SEZ6L2: variants seen among roughly 807,000 people sequenced by gnomAD.
SEZ6L2 encodes the protein seizure 6-like protein 2.
A neutral mutation model predicts 97.0 loss-of-function variants in SEZ6L2; 44 were observed. That is an observed-to-expected ratio of 0.45 (90% CI 0.36 to 0.58). SEZ6L2 has a LOEUF of 0.58. Ranked by LOEUF, SEZ6L2 falls within the 20% of genes least tolerant of loss-of-function variation. The pLI is 0.00. For missense variants in SEZ6L2, 1,086 were observed against 1,233.3 expected, an observed-to-expected ratio of 0.88 and a Z score of 1.79; for synonymous variants, 543 against 546.1, an observed-to-expected ratio of 0.99 and a Z score of 0.08.
intron 9 of SEZ6L2, 25 bp downstream of exon 9, chr16:29,879,839 C>G: frequency 1.3e-6 from 2 of 1,565,898 alleles, no homozygotes; most frequent in Non-Finnish European, 1.7e-6. Flanking sequence ...GACTGAAGGA[C>G]ATGCCTGCGA....
rs541442722 is a variant in SEZ6L2, at chr16:29,888,474, C to T, written c.1039+66G>A. 29 of 1,538,568 alleles carry T rather than the reference C, an allele frequency of 1.9e-5. 1 individual carries two copies. The highest frequency in any genetic ancestry group is 1.3e-4 in the Admixed American group (7 of 55,232). ...CCAAAGGTGGACACCTGGACACCCC[C>T]GAGATAGGACCCTCCCAATGGGGTT... On this transcript the variant is annotated intron_variant, in intron 6 of 17. Coordinates refer to ENST00000617533, the MANE Select transcript of SEZ6L2 (RefSeq NM_001243332.2).
rs2068176819 is a variant in SEZ6L2 at position 29,887,722 on chromosome 16, C to T, written c.1135G>A (p.Val379Ile). ...AVGPNLTCRW[V>I]IEAAEGRRLH... Reference sequence around the variant, plus strand: ...CGGCGCCCCTCAGCTGCTTCAATGACCCAACGGCAGGTGAGGTTGGGCCCT... The same window carrying T: ...CGGCGCCCCTCAGCTGCTTCAATGATCCAACGGCAGGTGAGGTTGGGCCCT... The change falls in exon 7 of 18, where the codon GTC becomes ATC. Residue 379 changes from valine (V) to isoleucine (I), a missense_variant. Val to Ile is a conservative substitution (Grantham distance 29). This residue lies in a region of SEZ6L2 where 776 missense variants were observed against 794.7 expected (regional missense o/e 0.98). Transcript: ENST00000617533. 6.2e-7 allele frequency: 1 copy of T among 1,612,932 alleles called. No individual in the cohort carries two copies. The highest frequency in any genetic ancestry group is 2.2e-5 in the East Asian group (1 of 44,812).
At chr16:29,890,597 C>T (rs1481247595) in intron 5 of SEZ6L2, among the ~76,000 whole-genome samples, 2 of 152,096 alleles carry the variant, frequency 1.3e-5, no homozygotes, top group Non-Finnish European at 2.9e-5. Flanking sequence ...CCCCTACTTT[C>T]TCATCTTTTA....
chr16:29,881,183 C>A (rs1406556745), intron 8 of SEZ6L2, among the ~76,000 whole-genome samples: 2 of 152,136 alleles, frequency 1.3e-5, no homozygotes, highest in Admixed American at 1.3e-4. Context: ...TCCCTGGCCT[C>A]TGGAGGGAAG....
Position 29,885,567 on chromosome 16 carries a change from G to T in SEZ6L2, c.1372+19C>A. ...GAAGGTGTGGCGGTTGGGGTCCTGT[G>T]GGGGAGTGGGTCACTTACCTTCAAA... On this transcript the variant is annotated intron_variant, in intron 8 of 17. Transcript: ENST00000617533. 3 of 1,607,368 alleles carry T rather than the reference G, an allele frequency of 1.9e-6. No individual in the cohort carries two copies. The highest frequency in any genetic ancestry group is 2.6e-6 in the Non-Finnish European group (3 of 1,174,838).
chr16:29,876,757 C>CT lies in SEZ6L2; in HGVS notation c.2102dup (p.Ile702AspfsTer6). ...GGGACGCGGGCGGGGCCGGCTCACT[C>CT]TTTTGGCAGGCGGGCGGCGCGGCGC... On this transcript the variant is annotated frameshift_variant and splice_region_variant, in exon 12 of 18. Transcript: ENST00000617533. LOFTEE classifies it high-confidence loss of function. The surrounding 1 kb of genome is among the most constrained non-coding windows in gnomAD (Gnocchi z 6.5). 6.5e-7 allele frequency: 1 copy of CT among 1,545,676 alleles called. No homozygotes were observed. Among genetic ancestry groups the CT allele is most frequent in the Non-Finnish European group, 8.7e-7 (1 of 1,143,078 alleles).
At chr16:29,872,841 G>T in intron 14 of SEZ6L2, 98 bp from the exon 15 acceptor site, 1 of 974,094 alleles carries the variant, frequency 1.0e-6, no homozygotes, top group Non-Finnish European at 1.6e-6. Flanking sequence ...GGACAGCCTG[G>T]TTCTCTCTGC....
chr16:29,883,273 G>A (rs1472551944), intron 8 of SEZ6L2, among the ~76,000 whole-genome samples: 2 of 151,748 alleles, frequency 1.3e-5, no homozygotes, highest in African/African-American at 2.4e-5. Flanking sequence ...TTCCCTACTT[G>A]CTGTTTCTCA....
intron 5 of SEZ6L2, among the ~76,000 whole-genome samples, chr16:29,891,711 C>T (rs755711388): frequency 6.6e-6 from 1 of 152,096 alleles, no homozygotes; most frequent in Non-Finnish European, 1.5e-5. Context: ...GGTGCAAAGA[C>T]CACTGGATTT....
At chr16:29,892,981 A>G (rs2068303213) in intron 5 of SEZ6L2, among the ~76,000 whole-genome samples, 3 of 152,268 alleles carry the variant, frequency 2.0e-5, no homozygotes, top group Admixed American at 2.0e-4. Context: ...CTGCCCCCAG[A>G]AGTCAGAAGG....
intron 8 of SEZ6L2, among the ~76,000 whole-genome samples, chr16:29,884,633 G>C (rs2150797201): frequency 6.6e-6 from 1 of 152,152 alleles, no homozygotes; most frequent in African/African-American, 2.4e-5. Flanking sequence ...ACTAAAAACT[G>C]TCAGGCGCAG....
intron 12 of SEZ6L2, among the ~76,000 whole-genome samples, chr16:29,875,916 C>T (rs2067894029): frequency 1.3e-5 from 2 of 151,906 alleles, no homozygotes; most frequent in African/African-American, 2.4e-5. Context: ...CCGCACCTGG[C>T]CCTTTCTGCT....
rs117448844 is a variant in SEZ6L2, at chr16:29,887,700, C to T, written c.1157G>A (p.Arg386His). The stretch of plus-strand genomic sequence containing the variant: ...CCTTTCAAAGTGCAGGTGCAGCCGG[C>T]GCCCCTCAGCTGCTTCAATGACCCA... ...CRWVIEAAEG[R>H]RLHLHFERVS... Residue 386 changes from arginine (R) to histidine (H), a missense_variant, in exon 7 of 18, where the codon CGC (arginine) becomes CAC (histidine). Arg to His is a conservative substitution (Grantham distance 29). This residue lies in a region of SEZ6L2 where 776 missense variants were observed against 794.7 expected (regional missense o/e 0.98). Coordinates refer to ENST00000617533, the MANE Select transcript of SEZ6L2 (RefSeq NM_001243332.2). 2.7e-3 allele frequency: 4,310 copies of T among 1,609,066 alleles called. 14 individuals carry two copies. Among genetic ancestry groups the T allele is most frequent in the Middle Eastern group, 3.3e-3 (20 of 6,046 alleles).
At chr16:29,877,524 G>A in intron 10 of SEZ6L2, 57 bp from the exon 11 acceptor site, 1 of 1,466,420 alleles carries the variant, frequency 6.8e-7, no homozygotes, top group African/African-American at 1.4e-5. Context: ...CTCCCATCCA[G>A]CTCTGCCCCA....
Position 29,873,403 on chromosome 16 carries a change from C to T in SEZ6L2, c.2325G>A (p.Gly775=). Reference sequence around the variant, plus strand: ...GCGTCTGGTAGCCATTCTCGGGAACCCCCGGGTTCAGGCACGGCTCGTACT... The same window carrying T: ...GCGTCTGGTAGCCATTCTCGGGAACTCCCGGGTTCAGGCACGGCTCGTACT... ...ALKYEPCLNP[G]VPENGYQTLY... The change falls in exon 14 of 18, where the codon GGG becomes GGA. Residue 775 remains glycine, a synonymous_variant. Coordinates refer to ENST00000617533, the MANE Select transcript of SEZ6L2 (RefSeq NM_001243332.2). This position sits in a 1 kb window ranked among gnomAD's most constrained non-coding sequence, Gnocchi z 4.3. The T allele has an allele frequency of 3.7e-6, 6 of 1,614,246 alleles. No individual in the cohort carries two copies. The highest frequency in any genetic ancestry group is 5.1e-6 in the Non-Finnish European group (6 of 1,180,050).
At chr16:29,877,531 C>A in intron 10 of SEZ6L2, 64 bp from the exon 11 acceptor site, 1 of 1,435,904 alleles carries the variant, frequency 7.0e-7, no homozygotes, top group Non-Finnish European at 9.4e-7. Context: ...CCAGCTCTGC[C>A]CCATCCTCAA....
Position 29,897,966 on chromosome 16 carries a change from T to A in SEZ6L2, c.98A>T (p.Glu33Val). 6.2e-7 allele frequency: 1 copy of A among 1,613,544 alleles called. No individual in the cohort carries two copies. The highest frequency in any genetic ancestry group is 8.5e-7 in the Non-Finnish European group (1 of 1,179,704). Residue 33 changes from glutamate (E) to valine (V), a missense_variant, in exon 2 of 18, where the codon GAG becomes GTG. Coordinates refer to ENST00000617533, the MANE Select transcript of SEZ6L2 (RefSeq NM_001243332.2). The stretch of plus-strand genomic sequence containing the variant: ...ACTTCCAGGCTCTGGCAATATCTCC[T>A]CCTCCTTCAGGGGCAGACCTAGGAG... ...PWIQGLPLKEEEILPEPGSET... is the reference protein window; with the variant it reads ...PWIQGLPLKEVEILPEPGSET...
intron 1 of SEZ6L2, 75 bp downstream of exon 1, chr16:29,898,866 T>C (rs1245584136): frequency 2.6e-6 from 3 of 1,137,816 alleles, no homozygotes; most frequent in Admixed American, 4.1e-5. Flanking sequence ...AGACCCAGGA[T>C]ATTAAGAGAA....
chr16:29,878,438 G>A lies in SEZ6L2; in HGVS notation c.1574-13C>T. ...CCTCCACACATGGCTAGGGAAAAAG[G>A]GGTGTCAGGTTCAGGACCCAGGTGG... is the stretch of plus-strand genomic sequence containing the variant. On this transcript the variant is annotated splice_polypyrimidine_tract_variant and intron_variant, in intron 9 of 17. Transcript: ENST00000617533. The A allele has an allele frequency of 2.5e-6, 4 of 1,587,718 alleles. No individual in the cohort carries two copies. Among genetic ancestry groups the A allele is most frequent in the Non-Finnish European group, 2.6e-6 (3 of 1,163,076 alleles).
Sources: allele counts gnomAD v4.1 joint callset (sites outside exome capture counted in the v4.1 genomes callset), GRCh38; gene constraint gnomAD v4.1.1; regional missense constraint gnomAD v4.1.1; non-coding constraint Gnocchi (gnomAD v3.1); transcripts MANE v1.5; gene names NCBI Gene and HGNC (gene_info 2026-07-23, HGNC 2026-07-21).